Variants in ZNF112 observed in about 807,000 individuals in gnomAD.
ZNF112 encodes the protein zinc finger protein 112, also known as zinc finger protein 112 (Y14).
In ZNF112, 37 loss-of-function variants were observed where a neutral mutation model predicts 77.7. The ratio of observed to expected loss-of-function variants is 0.48; its 90% CI spans 0.37 to 0.63. The LOEUF (loss-of-function observed/expected upper bound fraction) is 0.63. Among genes scored for constraint, ZNF112 ranks in the 20% least tolerant of loss-of-function variants. The pLI is 0.00. For missense variants in ZNF112, 950 were observed against 1,077.4 expected (o/e 0.88, Z 1.66); for synonymous variants, 333 against 363.6 (o/e 0.92, Z 0.96).
chr19:44,355,269 T>C lies in ZNF112; in HGVS notation c.-4+1357A>G, dbSNP rs1419666968. ...GGTGAAAATCCAAAAAGAAGTCTAC[T>C]GGAAGAGGAAAACATTGAAATATTA... On this transcript the variant is annotated intron_variant, in intron 1 of 3. Coordinates refer to ENST00000354340, the MANE Select transcript of ZNF112 (RefSeq NM_013380.4). Among the ~76,000 whole-genome samples the C allele has an allele frequency of 2.6e-5, 4 of 152,312 alleles. No individual in the cohort carries two copies. The East Asian group carries it at 7.7e-4, about 29-fold the overall frequency.
At chr19:44,342,473 T>C (rs1201403482) in intron 1 of ZNF112, among the ~76,000 whole-genome samples, 1 of 152,154 alleles carries the variant, frequency 6.6e-6, no homozygotes, top group Middle Eastern at 3.2e-3. Flanking sequence ...TACTGCAATG[T>C]AAAACTGCAA....
chr19:44,341,338 C>T (rs534626737), intron 1 of ZNF112, among the ~76,000 whole-genome samples: 229 of 152,284 alleles, frequency 1.5e-3, no homozygotes, highest in Middle Eastern at 3.4e-3. Context: ...AACAATGTTG[C>T]AAAAACAATC....
intron 2 of ZNF112, among the ~76,000 whole-genome samples, chr19:44,337,681 A>C (rs1970406918): frequency 6.6e-6 from 1 of 151,204 alleles, no homozygotes; most frequent in Non-Finnish European, 1.5e-5. Context: ...TTTGCCAAAA[A>C]ACGTATAGTG....
chr19:44,357,609 C>T (rs1397113208), upstream of ZNF112, among the ~76,000 whole-genome samples: 8 of 152,152 alleles, frequency 5.3e-5, no homozygotes, highest in Non-Finnish European at 1.2e-4. Context: ...AGGCCATAAG[C>T]AGAAACAGTA....
intron 3 of ZNF112, among the ~76,000 whole-genome samples, chr19:44,330,418 G>C (rs1026049790): frequency 1.4e-4 from 21 of 152,138 alleles, no homozygotes; most frequent in Admixed American, 1.4e-3. Context: ...CGAACATGAT[G>C]GCTGTGTTCA....
chr19:44,367,040 G>T, intron 1 of ZNF112: 1 of 455,292 alleles, frequency 2.2e-6, no homozygotes, highest in South Asian at 1.6e-5. Context: ...TCCTCAACCC[G>T]CCAAGACCAA....
At chr19:44,363,219 C>T (rs1970871133) in intron 1 of ZNF112, among the ~76,000 whole-genome samples, 1 of 152,140 alleles carries the variant, frequency 6.6e-6, no homozygotes, top group Admixed American at 6.5e-5. Flanking sequence ...GATCCTCCCA[C>T]CTTGGCCTCC....
upstream of ZNF112, among the ~76,000 whole-genome samples, chr19:44,358,780 A>G (rs1970824417): frequency 6.6e-6 from 1 of 152,158 alleles, no homozygotes. Flanking sequence ...CATTTAATAA[A>G]TATTGTCTCA....
upstream of ZNF112, among the ~76,000 whole-genome samples, chr19:44,357,782 AC>A (rs1970809340): frequency 6.6e-6 from 1 of 152,252 alleles, no homozygotes; most frequent in Admixed American, 6.5e-5. Flanking sequence ...AAAATCTATC[AC>A]CTATTTTCAC....
intron 1 of ZNF112, among the ~76,000 whole-genome samples, chr19:44,366,145 T>C (rs540202200): frequency 4.1e-4 from 62 of 152,130 alleles, no homozygotes; most frequent in Non-Finnish European, 7.6e-4. Flanking sequence ...TAGCCAGGAG[T>C]TTGAGACCAT....
At chr19:44,348,087 T>C (rs1260826216) in intron 1 of ZNF112, among the ~76,000 whole-genome samples, 2 of 152,172 alleles carry the variant, frequency 1.3e-5, no homozygotes, top group Admixed American at 6.5e-5. Flanking sequence ...CTACCAGATA[T>C]ATAATATGTC....
At position 44,337,848 on chromosome 19, in the gene ZNF112, C is replaced by A. The variant is rs200390947; in HGVS notation, c.125-1130G>T. Among the ~76,000 whole-genome samples, 5 of 84,618 alleles carry A rather than the reference C, an allele frequency of 5.9e-5. 1 individual carries two copies. Among genetic ancestry groups the A allele is most frequent in the African/African-American group, 4.1e-4 (4 of 9,774 alleles). 55.5% of individuals were successfully genotyped at this position (84,618 alleles called of 152,430 possible). ...ATGTATATACATACACATACACACACACACACACACACACACACACACACA... is the reference window on the plus strand; with the variant it reads ...ATGTATATACATACACATACACACAAACACACACACACACACACACACACA... On this transcript the variant is annotated intron_variant, in intron 2 of 3. Coordinates refer to ENST00000354340, the MANE Select transcript of ZNF112 (RefSeq NM_013380.4).
At chr19:44,336,069 G>A (rs1970360063) in intron 3 of ZNF112, among the ~76,000 whole-genome samples, 1 of 152,166 alleles carries the variant, frequency 6.6e-6, no homozygotes, top group Admixed American at 6.5e-5. Flanking sequence ...AGGAAGACCA[G>A]TTATAATGTT....
chr19:44,343,412 C>T (rs983012700), intron 1 of ZNF112: 2 of 871,610 alleles, frequency 2.3e-6, no homozygotes, highest in African/African-American at 1.7e-5. Context: ...TGGCCACACA[C>T]CGGCGTTAAG....
intron 3 of ZNF112, among the ~76,000 whole-genome samples, chr19:44,331,344 G>A (rs575720245): frequency 2.1e-4 from 32 of 152,276 alleles, no homozygotes; most frequent in African/African-American, 7.5e-4. Flanking sequence ...AATTATGTTA[G>A]TGTTTAGGAA....
At chr19:44,366,954 A>C (rs1422695672) in intron 1 of ZNF112, 4 of 423,032 alleles carry the variant, frequency 9.5e-6, no homozygotes, top group African/African-American at 8.2e-5. Context: ...TTACTTCCCA[A>C]TTTCACACCC....
chr19:44,360,615 TA>T (rs1173294122), upstream of ZNF112, among the ~76,000 whole-genome samples: 6 of 152,232 alleles, frequency 3.9e-5, no homozygotes, highest in Non-Finnish European at 5.9e-5. Context: ...TTAATTTTAA[TA>T]TTTTATGTGT....
At chr19:44,355,052 T>C (rs1399502150) in intron 1 of ZNF112, among the ~76,000 whole-genome samples, 3 of 152,162 alleles carry the variant, frequency 2.0e-5, no homozygotes, top group Non-Finnish European at 2.9e-5. Flanking sequence ...AGAGATTTGC[T>C]TTAAAATACT....
At chr19:44,338,483 T>C (rs937910708) in intron 2 of ZNF112, among the ~76,000 whole-genome samples, 6 of 152,208 alleles carry the variant, frequency 3.9e-5, no homozygotes, top group Non-Finnish European at 8.8e-5. Flanking sequence ...ACACCACCTT[T>C]GAGGGACAGA....
Sources: allele counts gnomAD v4.1 joint callset (sites outside exome capture counted in the v4.1 genomes callset), GRCh38; gene constraint gnomAD v4.1.1; transcripts MANE v1.5; gene names NCBI Gene and HGNC (gene_info 2026-07-23, HGNC 2026-07-21).